Variants in IKBKE observed in about 807,000 individuals in gnomAD.
IKBKE encodes inhibitor of nuclear factor kappa B kinase subunit epsilon.
In IKBKE, 45 loss-of-function variants were observed where a neutral mutation model predicts 92.1. The observed-to-expected ratio is 0.49, with a 90% confidence interval of 0.38 to 0.63. IKBKE has a LOEUF of 0.63. IKBKE is among the 20% of genes least tolerant of loss of function. The probability of loss-of-function intolerance (pLI) is 0.00; values close to 1 mark genes in which losing one functional copy is unlikely to be tolerated. For missense variants in IKBKE, 700 were observed against 932.8 expected (o/e 0.75, Z 3.25); for synonymous variants, 374 against 380.3 (o/e 0.98, Z 0.19).
chr1:206,480,285 T>TGGAGGGGGAGGCGGGCC (rs1665306221), intron 12 of IKBKE, among the ~76,000 whole-genome samples, 162 bp from the exon 13 acceptor site: 1 of 16,690 alleles, frequency 6.0e-5, no homozygotes, highest in Non-Finnish European at 1.1e-4. Context: ...GGAGGCGGGC[T>TGGAGGGGGAGGCGGGCC]GGAGGGGGAG....
chr1:206,496,045 GC>G, intron 21 of IKBKE, 66 bp from the exon 22 acceptor site: 1 of 1,236,254 alleles, frequency 8.1e-7, no homozygotes, highest in East Asian at 2.3e-5. Flanking sequence ...ATTGTGCTGG[GC>G]CCTGGAGTGT....
At chr1:206,477,898 A>C in intron 8 of IKBKE, 39 bp downstream of exon 8, 1 of 1,350,668 alleles carries the variant, frequency 7.4e-7, no homozygotes, top group Non-Finnish European at 1.0e-6. Flanking sequence ...CTGGAGTCTG[A>C]GCTGGGTGTC....
rs1553391033 is a variant in IKBKE at position 206,493,050 on chromosome 1, G to C, written c.1863G>C (p.Leu621=). 6.3e-7 allele frequency: 1 copy of C among 1,581,460 alleles called. No individual in the cohort carries two copies. Among genetic ancestry groups the C allele is most frequent in the East Asian group, 2.3e-5 (1 of 43,478 alleles). The change falls in exon 19 of 22, where the codon CTG becomes CTC. Residue 621 remains leucine, a synonymous_variant. Transcript: ENST00000581977. ...TGGTGCACGAGACCAGGAACCACCTGCGCCTGGTTGGCTGTTCTGTGGCTG... is the reference window on the plus strand; with the variant it reads ...TGGTGCACGAGACCAGGAACCACCTCCGCCTGGTTGGCTGTTCTGTGGCTG... ...MRVVHETRNH[L]RLVGCSVAAC... is the part of the protein sequence containing the mutation.
At chr1:206,480,695 C>A (rs1292323585) in intron 13 of IKBKE, among the ~76,000 whole-genome samples, 162 bp downstream of exon 13, 1 of 152,180 alleles carries the variant, frequency 6.6e-6, no homozygotes, top group Non-Finnish European at 1.5e-5. Context: ...CTTATCCCCA[C>A]CTCACCAAAT....
rs549557416 is a variant in IKBKE at position 206,475,553 on chromosome 1, G to A, written c.358+559G>A. 1.2e-4 allele frequency among the ~76,000 whole-genome samples: 19 copies of A among 152,230 alleles called. No homozygotes were observed. In the South Asian group the frequency reaches 2.1e-3, roughly 17 times the overall value. On this transcript the variant is annotated intron_variant, in intron 5 of 21. Coordinates refer to ENST00000581977, the MANE Select transcript of IKBKE (RefSeq NM_014002.4). Reference sequence around the variant, plus strand: ...GGTTTGAGACCAGTCTGGCGAACACGGTGAAACCCTGTCTCTACTAAAAAA... The same window carrying A: ...GGTTTGAGACCAGTCTGGCGAACACAGTGAAACCCTGTCTCTACTAAAAAA...
intron 21 of IKBKE, among the ~76,000 whole-genome samples, chr1:206,494,986 T>TAAA (rs33957066): frequency 1.8e-5 from 2 of 108,936 alleles, no homozygotes; most frequent in Non-Finnish European, 3.8e-5. Flanking sequence ...ACATTTGAAG[T>TAAA]AAAAAAAAAA....
At chr1:206,491,931 A>T in intron 18 of IKBKE, 182 bp downstream of exon 18, 1 of 528,492 alleles carries the variant, frequency 1.9e-6, no homozygotes, top group Non-Finnish European at 3.4e-6. Context: ...TCTGTAGCTC[A>T]GCTTATTTAC....
chr1:206,491,811 G>A, intron 18 of IKBKE, 62 bp downstream of exon 18: 3 of 1,230,374 alleles, frequency 2.4e-6, no homozygotes, highest in Non-Finnish European at 3.6e-6. Context: ...AGGCTTCAGA[G>A]GACCCAGGGC....
chr1:206,473,142 G>A lies in IKBKE; in HGVS notation c.-32-54G>A, dbSNP rs11807810. ...CACAGTTACAGGTCAGGCCACCAGC[G>A]GCCACCCTGTGCCAGGAATGGAATC... On this transcript the variant is annotated intron_variant, in intron 2 of 21. Coordinates refer to ENST00000581977, the MANE Select transcript of IKBKE (RefSeq NM_014002.4). The A allele has an allele frequency of 4.0e-3, 4,299 of 1,081,446 alleles. 130 individuals are homozygous for A. In the African/African-American group the frequency reaches 0.061, roughly 15 times the overall value. The allele number at this position is 1,081,446 out of a possible 1,614,324, so 67.0% of individuals were successfully genotyped here.
intron 13 of IKBKE, among the ~76,000 whole-genome samples, chr1:206,484,788 G>A (rs1665569262): frequency 6.6e-6 from 1 of 152,046 alleles, no homozygotes; most frequent in South Asian, 2.1e-4. Context: ...TTTATTATTT[G>A]CAATACTCAA....
In IKBKE at chr1:206,476,571, T is replaced by C; in HGVS notation, c.541-107T>C. On this transcript the variant is annotated intron_variant, in intron 6 of 21. Transcript: ENST00000581977. This position sits in a 1 kb window ranked among gnomAD's most constrained non-coding sequence, Gnocchi z 5.1. ...CCATTTTTAAGATGACAAAGAAGGA[T>C]TTGAACAGTTCTGTTTTCACCTGCA... is the stretch of plus-strand genomic sequence containing the variant. 3.7e-6 allele frequency: 5 copies of C among 1,350,424 alleles called. No homozygotes were observed. The South Asian group carries it at 5.3e-5, about 14-fold the overall frequency. The allele number at this position is 1,350,424 out of a possible 1,614,324, so 83.7% of individuals were successfully genotyped here.
At position 206,470,481 on chromosome 1, in the gene IKBKE, T is replaced by C. The variant is rs539497284; in HGVS notation, c.-340T>C. The C allele has an allele frequency of 6.6e-6, 1 of 152,474 alleles. No individual in the cohort carries two copies. The highest frequency in any genetic ancestry group is 2.1e-4 in the South Asian group (1 of 4,830). 9.4% of individuals were successfully genotyped at this position (152,474 alleles called of 1,614,324 possible). A position where few individuals can be genotyped will look rare whatever the true frequency, so the allele number is the denominator to read the frequency against. On this transcript the variant is annotated 5_prime_UTR_variant, in exon 1 of 22. Coordinates refer to ENST00000581977, the MANE Select transcript of IKBKE (RefSeq NM_014002.4). ...AGAGCTGAGAGCCAGGACTCAGTGCTGAGCTTGGTGTCCCACCGCCACAAG... is the reference window on the plus strand; with the variant it reads ...AGAGCTGAGAGCCAGGACTCAGTGCCGAGCTTGGTGTCCCACCGCCACAAG...
chr1:206,479,452 A>C (rs563415108), intron 10 of IKBKE, among the ~76,000 whole-genome samples: 19 of 152,314 alleles, frequency 1.2e-4, no homozygotes, highest in Admixed American at 7.8e-4. Flanking sequence ...TTGTGTTGGA[A>C]GAAGCCCAAG....
At position 206,476,900 on chromosome 1, in the gene IKBKE, C is replaced by T. The variant is rs1482345872; in HGVS notation, c.701+62C>T. The T allele has an allele frequency of 5.8e-5, 92 of 1,580,158 alleles. No homozygotes were observed. Among genetic ancestry groups the T allele is most frequent in the Non-Finnish European group, 6.9e-5 (79 of 1,153,046 alleles). On this transcript the variant is annotated intron_variant, in intron 7 of 21. Coordinates refer to ENST00000581977, the MANE Select transcript of IKBKE (RefSeq NM_014002.4). This position sits in a 1 kb window ranked among gnomAD's most constrained non-coding sequence, Gnocchi z 5.1. ...GGCAGTCCCCTGGCCCTTCCCCCACCGGTCCTTGCTGTGTCTTCTGGTCCC... is the reference window on the plus strand; with the variant it reads ...GGCAGTCCCCTGGCCCTTCCCCCACTGGTCCTTGCTGTGTCTTCTGGTCCC...
intron 16 of IKBKE, among the ~76,000 whole-genome samples, chr1:206,489,532 G>A (rs1572263195): frequency 1.3e-5 from 2 of 151,568 alleles, no homozygotes; most frequent in Admixed American, 1.3e-4. Flanking sequence ...GCAAGACCCC[G>A]TCTCTACAAA....
Position 206,491,369 on chromosome 1 carries a change from T to A in IKBKE, c.1734-279T>A, listed in dbSNP as rs1572265869. ...CGGCTGCCTCACTTTCCCTTCCCTT[T>A]CCTGAGGACTAAGCTTGAGCACATG... On this transcript the variant is annotated intron_variant, in intron 17 of 21. Transcript: ENST00000581977. 3.0e-5 allele frequency: 12 copies of A among 401,550 alleles called. 1 individual carries two copies. The highest frequency in any genetic ancestry group is 2.8e-4 in the South Asian group (12 of 42,434). The allele number at this position is 401,550 out of a possible 1,614,324, so 24.9% of individuals were successfully genotyped here. A position where few individuals can be genotyped will look rare whatever the true frequency, so the allele number is the denominator to read the frequency against.
At position 206,496,414 on chromosome 1, in the gene IKBKE, T is replaced by G; in HGVS notation, c.*269T>G. The G allele has an allele frequency of 2.0e-6, 1 of 504,362 alleles. No individual in the cohort carries two copies. The highest frequency in any genetic ancestry group is 3.6e-6 in the Non-Finnish European group (1 of 278,880). The allele number at this position is 504,362 out of a possible 1,614,324, so 31.2% of individuals were successfully genotyped here. Reference sequence around the variant, plus strand: ...GCCTGGCTGACCTTTCTATCTTCTCTAGGCTCAGGTACTGCTCCTCCATGC... The same window carrying G: ...GCCTGGCTGACCTTTCTATCTTCTCGAGGCTCAGGTACTGCTCCTCCATGC... On this transcript the variant is annotated 3_prime_UTR_variant, in exon 22 of 22. Transcript: ENST00000581977.
chr1:206,496,552 G>A lies in IKBKE; in HGVS notation c.*407G>A, dbSNP rs569474013. ...AGGAGGCCTCCTGGGGTTTCCCCAG[G>A]GCAGTAGGTCAAACGACCTCATCAC... On this transcript the variant is annotated 3_prime_UTR_variant, in exon 22 of 22. Coordinates refer to ENST00000581977, the MANE Select transcript of IKBKE (RefSeq NM_014002.4). The A allele has an allele frequency of 1.1e-5, 3 of 262,558 alleles. No individual in the cohort carries two copies. The highest frequency in any genetic ancestry group is 6.4e-5 in the African/African-American group (3 of 46,662). The allele number at this position is 262,558 out of a possible 1,614,324, so 16.3% of individuals were successfully genotyped here. A position where few individuals can be genotyped will look rare whatever the true frequency, so the allele number is the denominator to read the frequency against.
At chr1:206,472,690 C>T (rs1664846009) in intron 2 of IKBKE, among the ~76,000 whole-genome samples, 1 of 152,266 alleles carries the variant, frequency 6.6e-6, no homozygotes, top group East Asian at 1.9e-4. Flanking sequence ...GTGGGCCTGG[C>T]AGGCAGGCCA....
Sources: allele counts gnomAD v4.1 joint callset (sites outside exome capture counted in the v4.1 genomes callset), GRCh38; gene constraint gnomAD v4.1.1; non-coding constraint Gnocchi (gnomAD v3.1); transcripts MANE v1.5; gene names NCBI Gene and HGNC (gene_info 2026-07-23, HGNC 2026-07-21).